FGFR4: variants seen among roughly 807,000 people sequenced by gnomAD.
FGFR4 encodes hydroxyaryl-protein kinase.
Under a neutral mutation model 89.9 loss-of-function variants are expected in FGFR4, and 63 were observed. The ratio of observed to expected loss-of-function variants is 0.70; its 90% CI spans 0.57 to 0.86. FGFR4 has a LOEUF of 0.86. Ranked by LOEUF, FGFR4 falls within the 40% of genes least tolerant of loss-of-function variation. The pLI is 0.00. For missense variants in FGFR4, 928 were observed against 1,106.7 expected (o/e 0.84, Z 2.29); for synonymous variants, 486 against 479.4 (o/e 1.01, Z -0.18).
At position 177,087,007 on chromosome 5, in the gene FGFR4, C is replaced by CGGAGGAGCCAGGTGA; in HGVS notation, c.-107_-93dup. On this transcript the variant is annotated 5_prime_UTR_variant, in exon 1 of 18. Coordinates refer to ENST00000292408, the MANE Select transcript of FGFR4 (RefSeq NM_213647.3). The surrounding 1 kb of genome is among the most constrained non-coding windows in gnomAD (Gnocchi z 6.1). Reference sequence around the variant, plus strand: ...CCGGCTGGAGCTGGGAGTGAGGCGGCGGAGGAGCCAGGTGAGGAGGAGCCA... The same window carrying CGGAGGAGCCAGGTGA: ...CCGGCTGGAGCTGGGAGTGAGGCGGCGGAGGAGCCAGGTGAGGAGGAGCCAGGTGAGGAGGAGCCA... 11 of 152,730 alleles carry CGGAGGAGCCAGGTGA rather than the reference C, an allele frequency of 7.2e-5. No individual in the cohort carries two copies. Among genetic ancestry groups the CGGAGGAGCCAGGTGA allele is most frequent in the African/African-American group, 1.5e-4 (6 of 41,168 alleles). The allele number at this position is 152,730 out of a possible 1,614,324, so 9.5% of individuals were successfully genotyped here.
At chr5:177,094,168 A>G (rs1334425683) in intron 11 of FGFR4, among the ~76,000 whole-genome samples, 1 of 152,146 alleles carries the variant, frequency 6.6e-6, no homozygotes, top group Non-Finnish European at 1.5e-5. Context: ...CGGTGCCACC[A>G]GGTGAGCCCT....
intron 2 of FGFR4, chr5:177,090,135 C>CGTGTGT (rs59390048): frequency 0.013 from 8,345 of 649,196 alleles, 30 homozygotes; most frequent in East Asian, 0.023. Flanking sequence ...TGTGTGTATG[C>CGTGTGT]GTGTGTGTGT....
In FGFR4 at chr5:177,092,756, C is replaced by G. The variant is rs1784412360; in HGVS notation, c.1029C>G (p.Tyr343Ter). The change falls in exon 8 of 18, where the codon TAC becomes TAG. Residue 343 changes from tyrosine (Y) to a stop codon, truncating the protein, a stop_gained. Transcript: ENST00000292408. LOFTEE classifies it high-confidence loss of function. ...CLAGNSIGLS[Y>*]QSAWLTVLPE... is the part of the protein sequence containing the mutation. ...CAGGCAATTCCATCGGCCTCTCCTA[C>G]CAGTCTGCCTGGCTCACGGTGCTGC... The G allele has an allele frequency of 6.2e-7, 1 of 1,614,138 alleles. No individual in the cohort carries two copies. Among genetic ancestry groups the G allele is most frequent in the Non-Finnish European group, 8.5e-7 (1 of 1,180,046 alleles).
In FGFR4 at chr5:177,096,188, G is replaced by A. The variant is rs778227653; in HGVS notation, c.1944+9G>A. 6 of 1,613,934 alleles carry A rather than the reference G, an allele frequency of 3.7e-6. No individual in the cohort carries two copies. Among genetic ancestry groups the A allele is most frequent in the Non-Finnish European group, 5.1e-6 (6 of 1,179,844 alleles). ...ATAAGAAAACCAGCAACGTGAGGGAGATGGGGCAGAACTGGATGGGGGTGG... is the reference window on the plus strand; with the variant it reads ...ATAAGAAAACCAGCAACGTGAGGGAAATGGGGCAGAACTGGATGGGGGTGG... On this transcript the variant is annotated intron_variant, in intron 14 of 17. Coordinates refer to ENST00000292408, the MANE Select transcript of FGFR4 (RefSeq NM_213647.3).
In FGFR4 at chr5:177,087,910, G is replaced by C. The variant is rs989571391; in HGVS notation, c.-54+833G>C. On this transcript the variant is annotated intron_variant, in intron 1 of 17. Transcript: ENST00000292408. The surrounding 1 kb of genome is among the most constrained non-coding windows in gnomAD (Gnocchi z 6.1). The stretch of plus-strand genomic sequence containing the variant: ...AAGGGGCAGACGGTGTGACCAAAGA[G>C]ATAGGCAGCGGCAGAGAGGGAGCCC... Among the ~76,000 whole-genome samples, 3 of 152,172 alleles carry C rather than the reference G, an allele frequency of 2.0e-5. No individual in the cohort carries two copies. Among genetic ancestry groups the C allele is most frequent in the African/African-American group, 7.2e-5 (3 of 41,440 alleles).
At position 177,093,229 on chromosome 5, in the gene FGFR4, C is replaced by G. The variant is rs2149735216; in HGVS notation, c.1149C>G (p.Leu383=). Residue 383 remains leucine, a synonymous_variant, in exon 9 of 18, where the codon CTC becomes CTG. Transcript: ENST00000292408. This position sits in a 1 kb window ranked among gnomAD's most constrained non-coding sequence, Gnocchi z 5.8. ...CGGGCTCCCTGGCCTTGGCTGTGCT[C>G]CTGCTGCTGGCCGGGCTGTATCGAG... ...YASGSLALAV[L]LLLAGLYRGQ... 7.4e-6 allele frequency: 12 copies of G among 1,612,632 alleles called. No individual in the cohort carries two copies. The highest frequency in any genetic ancestry group is 1.0e-5 in the Non-Finnish European group (12 of 1,179,006).
chr5:177,088,756 G>C (rs577942421), intron 1 of FGFR4, among the ~76,000 whole-genome samples: 11 of 152,298 alleles, frequency 7.2e-5, no homozygotes, highest in Admixed American at 3.3e-4. Context: ...GGCAGACCCA[G>C]GGCAACAGGT....
At chr5:177,090,899 A>T in intron 4 of FGFR4, 39 bp from the exon 5 acceptor site, 1 of 1,614,088 alleles carries the variant, frequency 6.2e-7, no homozygotes, top group Non-Finnish European at 8.5e-7. Flanking sequence ...CCTGTGTGGG[A>T]ACACACGGTC....
rs1166818708 is a variant in FGFR4 at position 177,097,085 on chromosome 5, TTCC to T, written c.2154-193_2154-191del. On this transcript the variant is annotated intron_variant, in intron 16 of 17. Transcript: ENST00000292408. ...CCTCCTTCTCTTCCTCCTCCTTCTCTTCCTCCTCCTCCTCCTGCTCCTCTTCCT... is the reference window on the plus strand; with the variant it reads ...CCTCCTTCTCTTCCTCCTCCTTCTCTTCCTCCTCCTCCTGCTCCTCTTCCT... 3.3e-3 allele frequency: 127 copies of T among 38,202 alleles called. 1 individual carries two copies. The highest frequency in any genetic ancestry group is 5.3e-3 in the South Asian group (8 of 1,496). 2.4% of individuals were successfully genotyped at this position (38,202 alleles called of 1,614,324 possible). A position where few individuals can be genotyped will look rare whatever the true frequency, so the allele number is the denominator to read the frequency against.
Position 177,087,634 on chromosome 5 carries a change from G to A in FGFR4, c.-54+557G>A. On this transcript the variant is annotated intron_variant, in intron 1 of 17. Transcript: ENST00000292408. The surrounding 1 kb of genome is among the most constrained non-coding windows in gnomAD (Gnocchi z 6.1). Reference sequence around the variant, plus strand: ...AGGACTCTGATATCAGGGCAGCCTGGGGTAGGAATAAACTCCCCGGGCCTC... The same window carrying A: ...AGGACTCTGATATCAGGGCAGCCTGAGGTAGGAATAAACTCCCCGGGCCTC... The A allele has an allele frequency of 3.0e-6, 3 of 985,382 alleles. No homozygotes were observed. Among genetic ancestry groups the A allele is most frequent in the Non-Finnish European group, 3.6e-6 (3 of 829,920 alleles). 61.0% of individuals were successfully genotyped at this position (985,382 alleles called of 1,614,324 possible). A position where few individuals can be genotyped will look rare whatever the true frequency, so the allele number is the denominator to read the frequency against.
chr5:177,091,907 G>A (rs1045964833), intron 6 of FGFR4, 99 bp downstream of exon 6: 1 of 1,503,028 alleles, frequency 6.7e-7, no homozygotes, highest in Non-Finnish European at 9.1e-7. Context: ...GGACTCAGAT[G>A]AGTCAGGCAG....
At chr5:177,092,621 C>T in intron 7 of FGFR4, 25 bp from the exon 8 acceptor site, 2 of 1,590,630 alleles carry the variant, frequency 1.3e-6, no homozygotes, top group Non-Finnish European at 1.7e-6. Flanking sequence ...CCTGCTGTGA[C>T]CCCAGAGCAT....
rs555513735 is a variant in FGFR4, at chr5:177,095,661, C to T, written c.1759C>T (p.Pro587Ser). The T allele has an allele frequency of 1.9e-6, 3 of 1,608,998 alleles. No homozygotes were observed. The highest frequency in any genetic ancestry group is 2.5e-6 in the Non-Finnish European group (3 of 1,178,830). ...GAGCAGTGAGGGGCCGCTCTCCTTC[C>T]CAGTCCTGGTCTCCTGCGCCTACCA... ...PRSSEGPLSFPVLVSCAYQVA... is the reference protein window; with the variant it reads ...PRSSEGPLSFSVLVSCAYQVA... Residue 587 changes from proline to serine, a missense_variant, in exon 13 of 18, where the codon CCA becomes TCA. This residue lies in a region of FGFR4 where 741 missense variants were observed against 836.9 expected (regional missense o/e 0.89). Transcript: ENST00000292408. The surrounding 1 kb of genome is among the most constrained non-coding windows in gnomAD (Gnocchi z 5.7).
chr5:177,096,541 C>G, intron 15 of FGFR4, 63 bp from the exon 16 acceptor site: 1 of 1,593,244 alleles, frequency 6.3e-7, no homozygotes, highest in Non-Finnish European at 8.6e-7. Flanking sequence ...TGTGGGGTCC[C>G]CCGTCCTAGC....
rs59390048 is a variant in FGFR4, at chr5:177,090,135, CGTGTGTGT to C, written c.92-242_92-235del. The C allele has an allele frequency of 1.4e-5, 9 of 651,326 alleles. No homozygotes were observed. In the Admixed American group the frequency reaches 1.7e-4, roughly 12 times the overall value. The allele number at this position is 651,326 out of a possible 1,614,324, so 40.3% of individuals were successfully genotyped here. On this transcript the variant is annotated intron_variant, in intron 2 of 17. Transcript: ENST00000292408. Reference sequence around the variant, plus strand: ...GTGTCCGTATGTGTGTGTGTGTATGCGTGTGTGTGTGTGTGTGTGTCTTGGCCACTGTC... The same window carrying C: ...GTGTCCGTATGTGTGTGTGTGTATGCGTGTGTGTGTGTCTTGGCCACTGTC...
chr5:177,094,282 T>C (rs975700332), intron 11 of FGFR4, among the ~76,000 whole-genome samples: 2 of 152,092 alleles, frequency 1.3e-5, no homozygotes, highest in African/African-American at 4.8e-5. Context: ...TTGTGTCATA[T>C]GGGGTAGATA....
At chr5:177,089,855 C>G in intron 2 of FGFR4, 162 bp downstream of exon 2, 1 of 904,542 alleles carries the variant, frequency 1.1e-6, no homozygotes, top group Non-Finnish European at 1.8e-6. Context: ...GCCTGGCTTC[C>G]AGCAAGCATT....
chr5:177,095,361 G>A lies in FGFR4; in HGVS notation c.1551G>A (p.Leu517=). ...CCTCTGACAAGGACCTGGCCGACCT[G>A]GTCTCGGAGATGGAGGTGATGAAGC... is the stretch of plus-strand genomic sequence containing the variant. ...DNASDKDLAD[L]VSEMEVMKLI... The change falls in exon 12 of 18, where the codon CTG becomes CTA. Residue 517 remains leucine (L), a synonymous_variant. Coordinates refer to ENST00000292408, the MANE Select transcript of FGFR4 (RefSeq NM_213647.3). The surrounding 1 kb of genome is among the most constrained non-coding windows in gnomAD (Gnocchi z 5.7). The A allele has an allele frequency of 6.2e-7, 1 of 1,614,180 alleles. No individual in the cohort carries two copies.
chr5:177,091,872 T>G, intron 6 of FGFR4, 64 bp downstream of exon 6: 1 of 1,599,330 alleles, frequency 6.3e-7, no homozygotes, highest in South Asian at 1.1e-5. Flanking sequence ...GCCCTCTTGG[T>G]GGGGTCTAGT....
Sources: allele counts gnomAD v4.1 joint callset (sites outside exome capture counted in the v4.1 genomes callset), GRCh38; gene constraint gnomAD v4.1.1; regional missense constraint gnomAD v4.1.1; non-coding constraint Gnocchi (gnomAD v3.1); transcripts MANE v1.5; gene names NCBI Gene and HGNC (gene_info 2026-07-23, HGNC 2026-07-21).